The following TEX11 variants were observed in gnomAD, a reference collection of about 807,000 sequenced individuals.
TEX11 encodes testis expressed 11, also known as testis-expressed protein 11.
In TEX11, 7 loss-of-function variants were observed where a neutral mutation model predicts 84.4. The ratio of observed to expected loss-of-function variants is 0.08; its 90% CI spans 0.05 to 0.16. The LOEUF (loss-of-function observed/expected upper bound fraction) is 0.16. TEX11 is among the 10% of genes least tolerant of loss of function. The pLI is 1.00. For synonymous variants in TEX11, 264 were observed against 222.8 expected, an observed-to-expected ratio of 1.18 and a Z score of -1.64; for missense variants, 551 against 660.5, an observed-to-expected ratio of 0.83 and a Z score of 1.82.
intron 15 of TEX11, among the ~76,000 whole-genome samples, chrX:70,674,249 C>T (rs943785659): frequency 1.8e-5 from 2 of 112,393 alleles, no homozygotes; most frequent in Non-Finnish European, 3.8e-5. Context: ...TTTATGGCTG[C>T]ATAATATTCT....
chrX:70,708,637 T>C (rs1366540730), intron 13 of TEX11, among the ~76,000 whole-genome samples: 1 of 111,979 alleles, frequency 8.9e-6, no homozygotes, highest in Non-Finnish European at 1.9e-5. Context: ...TGAAGTCATG[T>C]TCTTTGCAGC....
intron 16 of TEX11, among the ~76,000 whole-genome samples, chrX:70,662,016 G>T (rs1041797886): frequency 2.7e-5 from 3 of 112,431 alleles, no homozygotes; most frequent in African/African-American, 9.7e-5. Flanking sequence ...AAGCTGGATA[G>T]AGAATGACTT....
intron 25 of TEX11, among the ~76,000 whole-genome samples, chrX:70,563,027 T>C (rs1433903598): frequency 1.8e-5 from 2 of 112,328 alleles, no homozygotes; most frequent in Non-Finnish European, 3.8e-5. Context: ...TCAGGTTACA[T>C]TTGTTGTTGG....
Position 70,688,874 on chromosome X carries a change from A to T in TEX11, c.1005-6049T>A, listed in dbSNP as rs1036152276. On this transcript the variant is annotated intron_variant, in intron 13 of 29. Transcript: ENST00000374333. The stretch of plus-strand genomic sequence containing the variant: ...GATATAATAGAGACTGTGACAAGAG[A>T]CTCTAACAAATGTGTGGAACAACTT... 1.0e-4 allele frequency among the ~76,000 whole-genome samples: 11 copies of T among 106,020 alleles called. No homozygotes were observed. In the Admixed American group the frequency reaches 1.1e-3, roughly 11 times the overall value. The allele number at this position is 106,020 out of a possible 115,157, so 92.1% of individuals were successfully genotyped here. A position where few individuals can be genotyped will look rare whatever the true frequency, so the allele number is the denominator to read the frequency against.
chrX:70,903,082 C>T (rs1466523636), intron 2 of TEX11, among the ~76,000 whole-genome samples: 1 of 111,776 alleles, frequency 8.9e-6, no homozygotes, highest in Non-Finnish European at 1.9e-5. Context: ...TCTTCAGGGG[C>T]AATAAAATGC....
intron 13 of TEX11, among the ~76,000 whole-genome samples, chrX:70,720,880 C>T (rs746470874): frequency 9.1e-6 from 1 of 109,366 alleles, no homozygotes; most frequent in East Asian, 2.8e-4. Context: ...ACACCCAGCC[C>T]ATAGTCCACC....
intron 11 of TEX11, among the ~76,000 whole-genome samples, chrX:70,735,086 C>T (rs1339980799): frequency 1.8e-5 from 2 of 110,363 alleles, no homozygotes; most frequent in African/African-American, 6.6e-5. Context: ...GAGTTTTGCT[C>T]TTGTTGTCCA....
At chrX:70,682,248 C>T (rs1360803255) in intron 14 of TEX11, among the ~76,000 whole-genome samples, 1 of 111,080 alleles carries the variant, frequency 9.0e-6, no homozygotes, top group African/African-American at 3.3e-5. Context: ...AAGATTGCAT[C>T]ACAAAAGGAT....
At chrX:70,728,604 C>T (rs766550318) in intron 11 of TEX11, among the ~76,000 whole-genome samples, 52 of 111,615 alleles carry the variant, frequency 4.7e-4, no homozygotes, top group Admixed American at 1.6e-3. Flanking sequence ...AAGGCAGCAG[C>T]GAGGCTGGGG....
chrX:70,894,423 C>A (rs769756740), intron 2 of TEX11, among the ~76,000 whole-genome samples: 2 of 110,211 alleles, frequency 1.8e-5, no homozygotes, highest in African/African-American at 3.3e-5. Context: ...GTCAAGAGAT[C>A]GAGACCATCC....
intron 7 of TEX11, among the ~76,000 whole-genome samples, chrX:70,841,981 A>T (rs923164316): frequency 7.2e-5 from 8 of 111,831 alleles, no homozygotes; most frequent in African/African-American, 2.3e-4. Context: ...AAATTGTGGC[A>T]ATAATCAACA....
chrX:70,836,894 G>A (rs909366413), intron 7 of TEX11, among the ~76,000 whole-genome samples: 5 of 111,288 alleles, frequency 4.5e-5, no homozygotes, highest in African/African-American at 1.6e-4. Flanking sequence ...GCACGCACCT[G>A]TAGTCTCAGC....
intron 9 of TEX11, among the ~76,000 whole-genome samples, chrX:70,758,541 G>A (rs1050586163): frequency 1.8e-5 from 2 of 111,795 alleles, no homozygotes; most frequent in African/African-American, 6.5e-5. Flanking sequence ...ACAAAATGAA[G>A]GCAGAAATAA....
At chrX:70,568,802 T>A (rs370659985) in intron 25 of TEX11, among the ~76,000 whole-genome samples, 9 of 111,364 alleles carry the variant, frequency 8.1e-5, no homozygotes, top group Non-Finnish European at 1.1e-4. Context: ...CTTCCCTTTG[T>A]GGGTAACCCG....
chrX:70,885,619 C>T (rs1204438852), intron 2 of TEX11, among the ~76,000 whole-genome samples: 1 of 111,214 alleles, frequency 9.0e-6, no homozygotes, highest in Non-Finnish European at 1.9e-5. Flanking sequence ...AGGCCAGGCG[C>T]AGTGGCTTAT....
chrX:70,796,527 T>C (rs919512571), intron 9 of TEX11, among the ~76,000 whole-genome samples: 3 of 111,926 alleles, frequency 2.7e-5, no homozygotes, highest in African/African-American at 9.7e-5. Flanking sequence ...CAAAGAAGAC[T>C]ACCTTGTGGC....
intron 5 of TEX11, among the ~76,000 whole-genome samples, chrX:70,857,682 C>T (rs941057358): frequency 6.6e-4 from 74 of 111,957 alleles, no homozygotes; most frequent in African/African-American, 2.3e-3. Context: ...TGCTCCAGTG[C>T]CTGATGGCAA....
chrX:70,846,456 G>A (rs1466715103), intron 7 of TEX11, among the ~76,000 whole-genome samples: 1 of 112,196 alleles, frequency 8.9e-6, no homozygotes, highest in Non-Finnish European at 1.9e-5. Context: ...GCAAAAAATA[G>A]GCAAATAATG....
chrX:70,775,078 C>A (rs763806390), intron 9 of TEX11, among the ~76,000 whole-genome samples: 3 of 111,825 alleles, frequency 2.7e-5, no homozygotes, highest in Non-Finnish European at 3.8e-5. Context: ...TTTGACAAAG[C>A]AATCAAGAAC....
Sources: allele counts gnomAD v4.1 joint callset (sites outside exome capture counted in the v4.1 genomes callset), GRCh38; gene constraint gnomAD v4.1.1; transcripts MANE v1.5; gene names NCBI Gene and HGNC (gene_info 2026-07-23, HGNC 2026-07-21).